Variants in CNTN6 observed in about 807,000 individuals in gnomAD.
The protein encoded by CNTN6 is contactin-6.
CNTN6 carries 137 observed loss-of-function variants against 122.8 expected under a neutral mutation model. That is an observed-to-expected ratio of 1.12 (90% CI 0.97 to 1.29). CNTN6 has a LOEUF of 1.29. Among genes scored for constraint, CNTN6 ranks in the 50% most tolerant of loss-of-function variants. The pLI is 0.00. For missense variants in CNTN6, 1,634 were observed against 1,223.4 expected (o/e 1.34, Z -5.01); for synonymous variants, 570 against 426.0 (o/e 1.34, Z -4.16).
intron 1 of CNTN6, among the ~76,000 whole-genome samples, chr3:1,119,698 T>C (rs1446945228): frequency 6.6e-6 from 1 of 151,892 alleles, no homozygotes; most frequent in African/African-American, 2.4e-5. Context: ...CTTAGTTCCC[T>C]CCAAAATATG....
At chr3:1,216,323 G>A (rs1409550892) in intron 2 of CNTN6, among the ~76,000 whole-genome samples, 1 of 152,168 alleles carries the variant, frequency 6.6e-6, no homozygotes, top group African/African-American at 2.4e-5. Flanking sequence ...TATAGGGTGT[G>A]AGGACGACAT....
chr3:1,260,074 A>G (rs1040473346), intron 4 of CNTN6, among the ~76,000 whole-genome samples: 1 of 152,084 alleles, frequency 6.6e-6, no homozygotes, highest in Non-Finnish European at 1.5e-5. Context: ...AAGCCAATGC[A>G]GATGAGATCC....
intron 4 of CNTN6, among the ~76,000 whole-genome samples, chr3:1,257,942 A>G (rs1226107358): frequency 6.6e-6 from 1 of 152,176 alleles, no homozygotes; most frequent in Non-Finnish European, 1.5e-5. Context: ...TGCAGCATCT[A>G]AACTAGAGAA....
At chr3:1,158,851 TACATATATATACACACATATATATACAC>T (rs1559422265) in intron 2 of CNTN6, among the ~76,000 whole-genome samples, 5,003 of 83,010 alleles carry the variant, frequency 0.06, 464 homozygotes, top group African/African-American at 0.26. Context: ...TATATATACA[TACATATATATACACACATATATATACAC>T]ATATATACAC....
intron 2 of CNTN6, among the ~76,000 whole-genome samples, chr3:1,151,182 T>C (rs2092834563): frequency 1.3e-5 from 2 of 152,228 alleles, no homozygotes; most frequent in Non-Finnish European, 2.9e-5. Context: ...AACTGAAGTT[T>C]CTTCCTCACT....
At chr3:1,122,516 T>C (rs1574928502) in intron 1 of CNTN6, among the ~76,000 whole-genome samples, 1 of 151,942 alleles carries the variant, frequency 6.6e-6, no homozygotes, top group African/African-American at 2.4e-5. Flanking sequence ...AGGCACGATG[T>C]TGCACAACCA....
At chr3:1,240,955 G>C (rs1575375236) in intron 4 of CNTN6, among the ~76,000 whole-genome samples, 1 of 151,820 alleles carries the variant, frequency 6.6e-6, no homozygotes, top group Admixed American at 6.6e-5. Context: ...TTCTCTGGTG[G>C]GCATGGGTGG....
chr3:1,284,874 G>A (rs980581083), intron 5 of CNTN6, among the ~76,000 whole-genome samples: 1 of 152,150 alleles, frequency 6.6e-6, no homozygotes, highest in Non-Finnish European at 1.5e-5. Flanking sequence ...CATGTTGGGA[G>A]AACGGCACTG....
intron 12 of CNTN6, among the ~76,000 whole-genome samples, chr3:1,368,643 A>C (rs907912722): frequency 2.0e-5 from 3 of 152,174 alleles, no homozygotes; most frequent in Non-Finnish European, 4.4e-5. Flanking sequence ...TTGATCTAGT[A>C]AACAATTGAC....
chr3:1,306,906 A>G lies in CNTN6; in HGVS notation c.761+8915A>G, dbSNP rs922567376. Among the ~76,000 whole-genome samples, 11 of 152,314 alleles carry G rather than the reference A, an allele frequency of 7.2e-5. 1 individual carries two copies. In the South Asian group the frequency reaches 2.3e-3, roughly 32 times the overall value. Reference sequence around the variant, plus strand: ...ATTTTAAATTCTGTTCAATCTTTCTAAGAGTTACTGACGTTTCCTCACTCA... The same window carrying G: ...ATTTTAAATTCTGTTCAATCTTTCTGAGAGTTACTGACGTTTCCTCACTCA... On this transcript the variant is annotated intron_variant, in intron 7 of 22. Coordinates refer to ENST00000446702, the MANE Select transcript of CNTN6 (RefSeq NM_001289080.2).
intron 2 of CNTN6, among the ~76,000 whole-genome samples, chr3:1,220,272 G>C (rs116566921): frequency 0.024 from 3,649 of 152,224 alleles, 150 homozygotes; most frequent in African/African-American, 0.084. Context: ...GGAGTTAGAG[G>C]CTTCTGTGAG....
intron 19 of CNTN6, among the ~76,000 whole-genome samples, chr3:1,385,164 G>C (rs992627478): frequency 6.6e-6 from 1 of 151,574 alleles, no homozygotes; most frequent in Non-Finnish European, 1.5e-5. Flanking sequence ...CTAAAACAAT[G>C]CTAATGCAAA....
At chr3:1,292,197 G>A (rs914948583) in intron 5 of CNTN6, among the ~76,000 whole-genome samples, 4 of 152,176 alleles carry the variant, frequency 2.6e-5, no homozygotes, top group East Asian at 1.9e-4. Context: ...CAGCAGCCAC[G>A]AGTCCTACTT....
At chr3:1,292,858 A>G (rs531519816) in intron 5 of CNTN6, among the ~76,000 whole-genome samples, 10 of 152,284 alleles carry the variant, frequency 6.6e-5, no homozygotes, top group African/African-American at 1.9e-4. Flanking sequence ...AAACCACTGT[A>G]TACATCTCCA....
chr3:1,366,591 C>T (rs901334333), intron 12 of CNTN6, among the ~76,000 whole-genome samples: 1 of 152,104 alleles, frequency 6.6e-6, no homozygotes, highest in Non-Finnish European at 1.5e-5. Flanking sequence ...AACAGTTTTG[C>T]ATATTTCAAC....
rs1227143777 is a variant in CNTN6 at position 1,168,536 on chromosome 3, G to A, written c.55+20473G>A. Among the ~76,000 whole-genome samples the A allele has an allele frequency of 2.6e-5, 4 of 151,428 alleles. No homozygotes were observed. In the East Asian group the frequency reaches 7.8e-4, roughly 29 times the overall value. The stretch of plus-strand genomic sequence containing the variant: ...TAAGCACTGACTAAACAAGAGACGA[G>A]CTCTGAGACGTATAGTCACAAATAT... On this transcript the variant is annotated intron_variant, in intron 2 of 22. Transcript: ENST00000446702.
intron 1 of CNTN6, among the ~76,000 whole-genome samples, chr3:1,147,201 T>A (rs559809706): frequency 6.6e-6 from 1 of 152,120 alleles, no homozygotes; most frequent in Non-Finnish European, 1.5e-5. Context: ...TCACTTGATA[T>A]ATAATAGTTT....
chr3:1,310,509 C>G (rs895420436), intron 7 of CNTN6, among the ~76,000 whole-genome samples: 1 of 152,056 alleles, frequency 6.6e-6, no homozygotes, highest in Non-Finnish European at 1.5e-5. Context: ...TTGCTGGACA[C>G]AATTTGCTAA....
At chr3:1,392,712 A>G (rs1437244209) in intron 20 of CNTN6, among the ~76,000 whole-genome samples, 6 of 143,126 alleles carry the variant, frequency 4.2e-5, no homozygotes, top group South Asian at 2.3e-4. Flanking sequence ...ATTTACAAGA[A>G]AAAAACAAAC....
Sources: gnomAD v4.1 joint callset for allele counts (sites outside exome capture counted in the v4.1 genomes callset) on GRCh38, gnomAD v4.1.1 for gene constraint, MANE v1.5 for transcripts, NCBI Gene and HGNC (gene_info 2026-07-23, HGNC 2026-07-21) for gene names.